ERBB4: variants seen among roughly 807,000 people sequenced by gnomAD.
ERBB4 encodes the protein erb-b2 receptor tyrosine kinase 4, also known as receptor tyrosine-protein kinase erbB-4.
A neutral mutation model predicts 158.0 loss-of-function variants in ERBB4; 42 were observed. The ratio of observed to expected loss-of-function variants is 0.27; its 90% confidence interval spans 0.21 to 0.34. The LOEUF is 0.34. Ranked by LOEUF, ERBB4 falls within the 10% of genes least tolerant of loss-of-function variation. The probability of loss-of-function intolerance (pLI) is 1.00; values close to 1 mark genes in which losing one functional copy is unlikely to be tolerated. For synonymous variants in ERBB4, 583 were observed against 558.7 expected (o/e 1.04, Z -0.61); for missense variants, 1,333 against 1,624.1 (o/e 0.82, Z 3.08).
chr2:212,452,739 C>CT (rs983746261), intron 1 of ERBB4, among the ~76,000 whole-genome samples: 4 of 152,076 alleles, frequency 2.6e-5, no homozygotes, highest in African/African-American at 9.7e-5. Flanking sequence ...AAAACTGACT[C>CT]TAAGTTTAAA....
intron 3 of ERBB4, among the ~76,000 whole-genome samples, chr2:211,855,205 C>T (rs936479530): frequency 6.6e-6 from 1 of 152,042 alleles, no homozygotes; most frequent in Non-Finnish European, 1.5e-5. Context: ...CTGTCTTTGC[C>T]TTAAGGAATT....
rs557603557 is a variant in ERBB4, at chr2:211,658,585, A to G, written c.1872-757T>C. 3.9e-5 allele frequency among the ~76,000 whole-genome samples: 6 copies of G among 152,284 alleles called. No individual in the cohort carries two copies. The South Asian group carries it at 1.2e-3, about 32-fold the overall frequency. On this transcript the variant is annotated intron_variant, in intron 15 of 27. Transcript: ENST00000342788. ...CTTATCTTAAACATGAATTTATTTT[A>G]AAAGAAAATTAACTGGTTTCACCAT...
chr2:211,656,762 T>A lies in ERBB4; in HGVS notation c.1946+992A>T, dbSNP rs114268429. Reference sequence around the variant, plus strand: ...TAAGTCTGGTTTCTTTCACTTGGTGTAATATATTTGAGATCCATCCATGGT... The same window carrying A: ...TAAGTCTGGTTTCTTTCACTTGGTGAAATATATTTGAGATCCATCCATGGT... On this transcript the variant is annotated intron_variant, in intron 16 of 27. Transcript: ENST00000342788. Among the ~76,000 whole-genome samples the A allele has an allele frequency of 3.6e-3, 541 of 152,330 alleles. 2 individuals are homozygous for A. Among genetic ancestry groups the A allele is most frequent in the African/African-American group, 0.012 (519 of 41,568 alleles).
Position 211,675,833 on chromosome 2 carries a change from G to C in ERBB4, c.1623-2576C>G, listed in dbSNP as rs961717454. ...ATAACAAATAGGCTCCCTGGATTTT[G>C]GTAAATGTCATATTTATATTTGATT... On this transcript the variant is annotated intron_variant, in intron 13 of 27. Transcript: ENST00000342788. Among the ~76,000 whole-genome samples the C allele has an allele frequency of 2.3e-5, 3 of 132,866 alleles. No homozygotes were observed. In the East Asian group the frequency reaches 6.1e-4, roughly 27 times the overall value. The allele number at this position is 132,866 out of a possible 152,430, so 87.2% of individuals were successfully genotyped here. A position where few individuals can be genotyped will look rare whatever the true frequency, so the allele number is the denominator to read the frequency against.
chr2:212,091,158 C>T (rs965697165), intron 2 of ERBB4, among the ~76,000 whole-genome samples: 5 of 148,736 alleles, frequency 3.4e-5, no homozygotes, highest in East Asian at 2.0e-4. Context: ...TTTTCCTTGG[C>T]GTGACAGAGA....
chr2:212,464,953 T>C (rs959072193), intron 1 of ERBB4, among the ~76,000 whole-genome samples: 8 of 150,458 alleles, frequency 5.3e-5, no homozygotes, highest in African/African-American at 1.2e-4. Flanking sequence ...ACAGTACAAA[T>C]TGACAGTCAA....
chr2:211,940,641 C>T (rs539800078), intron 3 of ERBB4, among the ~76,000 whole-genome samples: 39 of 151,692 alleles, frequency 2.6e-4, no homozygotes, highest in African/African-American at 8.9e-4. Flanking sequence ...TTTAAGATTC[C>T]TGAAGGGGTC....
intron 17 of ERBB4, among the ~76,000 whole-genome samples, chr2:211,626,887 T>C (rs922952023): frequency 1.3e-5 from 2 of 150,802 alleles, no homozygotes; most frequent in African/African-American, 4.9e-5. Flanking sequence ...ATCGCGCCAC[T>C]GCACTCCAGC....
At chr2:211,868,665 T>G (rs1183711397) in intron 3 of ERBB4, among the ~76,000 whole-genome samples, 2 of 152,230 alleles carry the variant, frequency 1.3e-5, no homozygotes, top group Non-Finnish European at 2.9e-5. Context: ...GGAACCCTTA[T>G]TTTATTCCTT....
intron 1 of ERBB4, among the ~76,000 whole-genome samples, chr2:212,273,359 A>C (rs763370207): frequency 6.6e-6 from 1 of 151,824 alleles, no homozygotes; most frequent in Non-Finnish European, 1.5e-5. Context: ...TATTCAATAC[A>C]TTGAATTTTC....
At chr2:212,288,952 T>C (rs938284797) in intron 1 of ERBB4, among the ~76,000 whole-genome samples, 2 of 152,078 alleles carry the variant, frequency 1.3e-5, no homozygotes, top group African/African-American at 4.8e-5. Flanking sequence ...AAAGGCTTGG[T>C]TCTGGAAGAG....
At chr2:211,513,283 G>A (rs750863584) in intron 20 of ERBB4, among the ~76,000 whole-genome samples, 1 of 150,524 alleles carries the variant, frequency 6.6e-6, no homozygotes, top group Non-Finnish European at 1.5e-5. Context: ...CCCGGGAAGC[G>A]GAGCTTGCAG....
At chr2:212,183,191 T>C (rs1194541041) in intron 1 of ERBB4, among the ~76,000 whole-genome samples, 1 of 151,882 alleles carries the variant, frequency 6.6e-6, no homozygotes, top group Non-Finnish European at 1.5e-5. Flanking sequence ...GGTTGGTGAA[T>C]ACACCCTAAA....
intron 9 of ERBB4, among the ~76,000 whole-genome samples, chr2:211,710,777 T>C (rs2073667703): frequency 6.6e-6 from 1 of 152,086 alleles, no homozygotes; most frequent in Admixed American, 6.6e-5. Context: ...ACACAAACTG[T>C]CTCTTGCCTG....
intron 2 of ERBB4, among the ~76,000 whole-genome samples, chr2:211,957,602 G>A (rs1412666220): frequency 6.6e-6 from 1 of 151,990 alleles, no homozygotes; most frequent in South Asian, 2.1e-4. Context: ...GGATGTTAAG[G>A]TCTCCAAATC....
intron 12 of ERBB4, among the ~76,000 whole-genome samples, chr2:211,696,998 C>T (rs556034539): frequency 2.0e-5 from 3 of 152,232 alleles, no homozygotes; most frequent in East Asian, 1.9e-4. Context: ...AGAGGAATCA[C>T]GGTGAAATGA....
chr2:212,426,233 C>T (rs768461014), intron 1 of ERBB4: 1 of 492,576 alleles, frequency 2.0e-6, no homozygotes, highest in South Asian at 1.5e-5. Context: ...GATTTAGTTA[C>T]TTTTTACGTG....
At chr2:212,158,551 G>A (rs905469178) in intron 1 of ERBB4, among the ~76,000 whole-genome samples, 5 of 151,664 alleles carry the variant, frequency 3.3e-5, no homozygotes, top group Non-Finnish European at 2.9e-5. Flanking sequence ...TCTCTGACTC[G>A]CTCAAAAAGA....
intron 3 of ERBB4, among the ~76,000 whole-genome samples, chr2:211,916,907 G>A (rs2079709209): frequency 6.6e-6 from 1 of 152,090 alleles, no homozygotes; most frequent in Non-Finnish European, 1.5e-5. Context: ...ATCACAAAAT[G>A]TAGACTGCTA....
Sources: allele counts gnomAD v4.1 joint callset (sites outside exome capture counted in the v4.1 genomes callset), GRCh38; gene constraint gnomAD v4.1.1; transcripts MANE v1.5; gene names NCBI Gene and HGNC (gene_info 2026-07-23, HGNC 2026-07-21).